C14orf132: variants seen among roughly 807,000 people sequenced by gnomAD.
The protein encoded by C14orf132 is uncharacterized protein C14orf132.
Under a neutral mutation model 5.8 loss-of-function variants are expected in C14orf132, and 6 were observed. The observed-to-expected ratio is 1.03, with a 90% CI of 0.57 to 2.04. C14orf132 has a LOEUF of 2.04. Ranked by LOEUF, C14orf132 falls within the 30% of genes most tolerant of loss-of-function variation. The pLI is 0.00. For missense variants in C14orf132, 125 were observed against 115.8 expected (o/e 1.08, Z -0.37); for synonymous variants, 51 against 49.8 (o/e 1.02, Z -0.10).
Position 96,039,631 on chromosome 14 carries a change from C to G in C14orf132, c.27+104C>G. On this transcript the variant is annotated intron_variant, in intron 1 of 1. Transcript: ENST00000555004. This position sits in a 1 kb window ranked among gnomAD's most constrained non-coding sequence, Gnocchi z 5.3. ...GGGGCTGGGCAGTGGCGCCCGCCCGCGATCCGCGTCCCGGTCCTTTGTCCC... is the reference window on the plus strand; with the variant it reads ...GGGGCTGGGCAGTGGCGCCCGCCCGGGATCCGCGTCCCGGTCCTTTGTCCC... The G allele has an allele frequency of 4.2e-6, 5 of 1,177,972 alleles. No homozygotes were observed. Among genetic ancestry groups the G allele is most frequent in the Non-Finnish European group, 5.6e-6 (5 of 890,778 alleles). 73.0% of individuals were successfully genotyped at this position (1,177,972 alleles called of 1,614,324 possible).
Position 96,049,542 on chromosome 14 carries a change from GTA to G in C14orf132, c.27+10024_27+10025del, listed in dbSNP as rs540241953. Among the ~76,000 whole-genome samples the G allele has an allele frequency of 3.8e-4, 44 of 114,490 alleles. 1 individual carries two copies. The highest frequency in any genetic ancestry group is 7.2e-4 in the Non-Finnish European group (38 of 52,840). 75.1% of individuals were successfully genotyped at this position (114,490 alleles called of 152,430 possible). On this transcript the variant is annotated intron_variant, in intron 1 of 1. Coordinates refer to ENST00000555004, the MANE Select transcript of C14orf132 (RefSeq NM_001252507.3). ...TATATATATACACATATATACATAC[GTA>G]TATATATACATATATACGTATATAT...
At chr14:96,052,937 A>G (rs539462317) in intron 1 of C14orf132, among the ~76,000 whole-genome samples, 6 of 152,050 alleles carry the variant, frequency 3.9e-5, no homozygotes, top group Non-Finnish European at 8.8e-5. Context: ...GTATTTGGAG[A>G]GGGCTGACCC....
intron 1 of C14orf132, among the ~76,000 whole-genome samples, chr14:96,063,586 G>A (rs1887427872): frequency 6.6e-6 from 1 of 152,154 alleles, no homozygotes; most frequent in Non-Finnish European, 1.5e-5. Context: ...TGGGATTGCA[G>A]GGGTGAGCCA....
At chr14:96,048,250 T>C (rs1886887679) in intron 1 of C14orf132, among the ~76,000 whole-genome samples, 1 of 152,220 alleles carries the variant, frequency 6.6e-6, no homozygotes, top group Non-Finnish European at 1.5e-5. Context: ...CTTGGTGTTG[T>C]ACATTCTGTG....
rs946075118 is a variant in C14orf132, at chr14:96,039,537, C to A, written c.27+10C>A. 7 of 1,500,422 alleles carry A rather than the reference C, an allele frequency of 4.7e-6. No homozygotes were observed. In the Admixed American group the frequency reaches 8.3e-5, roughly 18 times the overall value. The allele number at this position is 1,500,422 out of a possible 1,614,324, so 92.9% of individuals were successfully genotyped here. On this transcript the variant is annotated intron_variant, in intron 1 of 1. Coordinates refer to ENST00000555004, the MANE Select transcript of C14orf132 (RefSeq NM_001252507.3). The surrounding 1 kb of genome is among the most constrained non-coding windows in gnomAD (Gnocchi z 5.3). ...CTTTATGGCCGCGCAGGTAACGGGG[C>A]GTCCCCCCCACGCGCCCCGGGCCGC...
chr14:96,060,400 T>C (rs1887315427), intron 1 of C14orf132, among the ~76,000 whole-genome samples: 1 of 152,230 alleles, frequency 6.6e-6, no homozygotes, highest in Non-Finnish European at 1.5e-5. Flanking sequence ...GCTGTTCTAT[T>C]GGCACGGTGA....
rs1251033961 is a variant in C14orf132, at chr14:96,086,491, C to T, written c.28-20C>T. 2 of 1,534,386 alleles carry T rather than the reference C, an allele frequency of 1.3e-6. No homozygotes were observed. Among genetic ancestry groups the T allele is most frequent in the Admixed American group, 2.0e-5 (1 of 51,002 alleles). On this transcript the variant is annotated intron_variant, in intron 1 of 1. Coordinates refer to ENST00000555004, the MANE Select transcript of C14orf132 (RefSeq NM_001252507.3). Reference sequence around the variant, plus strand: ...CAAGCCCCCATGGCCCTGGATAATTCTCTCTCTCCTTCTTTGCAGCTGCCC... The same window carrying T: ...CAAGCCCCCATGGCCCTGGATAATTTTCTCTCTCCTTCTTTGCAGCTGCCC...
In C14orf132 at chr14:96,086,531, T is replaced by C. The variant is rs932231692; in HGVS notation, c.48T>C (p.Ala16=). The change falls in exon 2 of 2, where the codon GCT becomes GCC. Residue 16 remains alanine (A), a synonymous_variant. Transcript: ENST00000555004. The part of the protein sequence containing the change: ...MAAQLPMMGG[A]FMDSPNEDFS... ...TGCAGCTGCCCATGATGGGGGGAGC[T>C]TTCATGGACTCGCCCAACGAGGACT... 24 of 1,536,042 alleles carry C rather than the reference T, an allele frequency of 1.6e-5. No homozygotes were observed. The African/African-American group carries it at 3.3e-4, about 21-fold the overall frequency.
chr14:96,044,265 C>T (rs1886775479), intron 1 of C14orf132, among the ~76,000 whole-genome samples: 1 of 152,192 alleles, frequency 6.6e-6, no homozygotes, highest in Non-Finnish European at 1.5e-5. Flanking sequence ...CCTTAATCTC[C>T]CAGGCTGAAG....
At chr14:96,044,260 A>C (rs995432703) in intron 1 of C14orf132, among the ~76,000 whole-genome samples, 7 of 152,140 alleles carry the variant, frequency 4.6e-5, no homozygotes, top group Non-Finnish European at 8.8e-5. Context: ...TGCAGCCTTA[A>C]TCTCCCAGGC....
chr14:96,056,327 G>A (rs1220697063), intron 1 of C14orf132, among the ~76,000 whole-genome samples: 1 of 152,220 alleles, frequency 6.6e-6, no homozygotes, highest in Non-Finnish European at 1.5e-5. Context: ...GCCTGCAAGG[G>A]GGTCAGGGTG....
At chr14:96,062,663 C>T (rs918620425) in intron 1 of C14orf132, among the ~76,000 whole-genome samples, 1 of 152,148 alleles carries the variant, frequency 6.6e-6, no homozygotes, top group African/African-American at 2.4e-5. Flanking sequence ...TTCCACCACT[C>T]TGAGCTGCAT....
chr14:96,056,738 T>C (rs553947541), intron 1 of C14orf132, among the ~76,000 whole-genome samples: 1 of 152,240 alleles, frequency 6.6e-6, no homozygotes, highest in East Asian at 1.9e-4. Flanking sequence ...CCCTAAGATC[T>C]CTTATTTCAT....
intron 1 of C14orf132, among the ~76,000 whole-genome samples, chr14:96,064,405 T>C (rs1887464465): frequency 6.9e-6 from 1 of 144,750 alleles, no homozygotes; most frequent in Non-Finnish European, 1.5e-5. Context: ...TATACATATA[T>C]GTATATATAT....
chr14:96,042,391 G>A (rs1220100242), intron 1 of C14orf132, among the ~76,000 whole-genome samples: 1 of 152,196 alleles, frequency 6.6e-6, no homozygotes, highest in African/African-American at 2.4e-5. Flanking sequence ...AGTTGAAGCA[G>A]TCCCTTGGGA....
intron 1 of C14orf132, among the ~76,000 whole-genome samples, chr14:96,044,655 G>A (rs956726309): frequency 7.9e-5 from 12 of 152,084 alleles, no homozygotes; most frequent in Admixed American, 2.6e-4. Context: ...TGAAGGTGCT[G>A]GGGGTGGGGG....
chr14:96,051,510 C>T (rs1887024206), intron 1 of C14orf132, among the ~76,000 whole-genome samples: 1 of 152,172 alleles, frequency 6.6e-6, no homozygotes, highest in Non-Finnish European at 1.5e-5. Flanking sequence ...CTCGTGAGGA[C>T]CCCTCATCCA....
At chr14:96,069,179 G>GTATATATATATATATA (rs527543816) in intron 1 of C14orf132, among the ~76,000 whole-genome samples, 2 of 48,782 alleles carry the variant, frequency 4.1e-5, no homozygotes, top group South Asian at 1.5e-3. Flanking sequence ...ATATATATAT[G>GTATATATATATATATA]TATATATATA....
intron 1 of C14orf132, among the ~76,000 whole-genome samples, chr14:96,055,680 G>A (rs970270703): frequency 6.6e-6 from 1 of 152,150 alleles, no homozygotes; most frequent in African/African-American, 2.4e-5. Flanking sequence ...CAGAAGTTCT[G>A]TAAGGGACTC....
Sources: allele counts gnomAD v4.1 joint callset (sites outside exome capture counted in the v4.1 genomes callset), GRCh38; gene constraint gnomAD v4.1.1; non-coding constraint Gnocchi (gnomAD v3.1); transcripts MANE v1.5; gene names NCBI Gene and HGNC (gene_info 2026-07-23, HGNC 2026-07-21).